Variants in ESRRG observed in about 807,000 individuals in gnomAD.
ESRRG encodes estrogen-related receptor gamma.
In ESRRG, 13 loss-of-function variants were observed where a neutral mutation model predicts 44.0. The observed-to-expected ratio is 0.30, with a 90% CI of 0.19 to 0.47. The LOEUF (loss-of-function observed/expected upper bound fraction) is 0.47. ESRRG is among the 20% of genes least tolerant of loss of function. ESRRG has a pLI of 1.00. For synonymous variants in ESRRG, 215 were observed against 214.6 expected, an observed-to-expected ratio of 1.00 and a Z score of -0.02; for missense variants, 395 against 580.6, an observed-to-expected ratio of 0.68 and a Z score of 3.29.
intron 1 of ESRRG, among the ~76,000 whole-genome samples, chr1:217,131,309 C>G (rs1362754625): frequency 6.6e-6 from 1 of 151,190 alleles, no homozygotes; most frequent in African/African-American, 2.4e-5. Flanking sequence ...TTATTAATGA[C>G]CAGGTTTATT....
At position 216,694,623 on chromosome 1, in the gene ESRRG, C is replaced by G. The variant is rs180942759; in HGVS notation, c.57-17132G>C. 1.8e-3 allele frequency among the ~76,000 whole-genome samples: 279 copies of G among 151,970 alleles called. 2 individuals are homozygous for G. Among genetic ancestry groups the G allele is most frequent in the African/African-American group, 6.6e-3 (272 of 41,442 alleles). On this transcript the variant is annotated intron_variant, in intron 1 of 6. Coordinates refer to ENST00000408911, the MANE Select transcript of ESRRG (RefSeq NM_001438.4). Reference sequence around the variant, plus strand: ...CCAGGCTGGAGTGCAGTGGCGTGATCAGAGCTTACTGAAGCCTCTTGACCT... The same window carrying G: ...CCAGGCTGGAGTGCAGTGGCGTGATGAGAGCTTACTGAAGCCTCTTGACCT...
intron 2 of ESRRG, among the ~76,000 whole-genome samples, chr1:216,775,542 A>T (rs2093572046): frequency 7.3e-6 from 1 of 136,520 alleles, no homozygotes; most frequent in African/African-American, 2.7e-5. Context: ...CCTAAATAAA[A>T]TGTCACATCT....
intron 2 of ESRRG, among the ~76,000 whole-genome samples, chr1:216,847,300 CA>C (rs1379459401): frequency 6.6e-6 from 1 of 152,084 alleles, no homozygotes; most frequent in Non-Finnish European, 1.5e-5. Context: ...TCTAACATGG[CA>C]TTAAGTTGCA....
chr1:216,718,707 GTGTAATCAAAGATT>G (rs2085465519), intron 1 of ESRRG, among the ~76,000 whole-genome samples: 1 of 152,030 alleles, frequency 6.6e-6, no homozygotes, highest in Non-Finnish European at 1.5e-5. Flanking sequence ...AACTGGGCCA[GTGTAATCAAAGATT>G]TTCTCCAGAG....
intron 1 of ESRRG, among the ~76,000 whole-genome samples, chr1:216,720,939 C>T (rs187269075): frequency 2.0e-4 from 31 of 152,232 alleles, no homozygotes; most frequent in East Asian, 5.8e-4. Context: ...AAATTAAGTC[C>T]GCTCTATAAT....
intron 5 of ESRRG, among the ~76,000 whole-genome samples, chr1:216,519,826 A>AT (rs1160794089): frequency 8.7e-4 from 132 of 151,218 alleles, no homozygotes; most frequent in African/African-American, 3.0e-3. Context: ...AAAAAAAAAA[A>AT]AAGAAGAAGA....
At chr1:216,783,998 C>A (rs1468106710) in intron 2 of ESRRG, among the ~76,000 whole-genome samples, 2 of 152,064 alleles carry the variant, frequency 1.3e-5, no homozygotes, top group Non-Finnish European at 2.9e-5. Context: ...ACTTGCTTTG[C>A]ACCATGCCTC....
chr1:216,851,264 G>A lies in ESRRG; in HGVS notation c.-14+88318C>T, dbSNP rs1022495331. Among the ~76,000 whole-genome samples the A allele has an allele frequency of 2.6e-5, 4 of 152,140 alleles. No individual in the cohort carries two copies. The South Asian group carries it at 8.3e-4, about 32-fold the overall frequency. ...CTCATTACTAAAAGCTGTGTGCTTT[G>A]AGTCAGCAGACCTGAAACCAACAAG... On this transcript the variant is annotated intron_variant, in intron 2 of 7. Transcript: ENST00000359162.
chr1:216,768,234 C>T (rs2093183091), intron 2 of ESRRG, among the ~76,000 whole-genome samples: 1 of 152,074 alleles, frequency 6.6e-6, no homozygotes, highest in Non-Finnish European at 1.5e-5. Flanking sequence ...AACTATGCTG[C>T]CCTGTTATAG....
intron 2 of ESRRG, among the ~76,000 whole-genome samples, chr1:216,939,051 A>G (rs1481581941): frequency 2.0e-5 from 3 of 152,322 alleles, no homozygotes; most frequent in South Asian, 2.1e-4. Flanking sequence ...TGGGTATTCA[A>G]TTGGAATCTA....
At chr1:216,725,374 G>A (rs1447987992), upstream of ESRRG, among the ~76,000 whole-genome samples, 1 of 152,068 alleles carries the variant, frequency 6.6e-6, no homozygotes, top group Non-Finnish European at 1.5e-5. Flanking sequence ...AAATTTGGTT[G>A]TGAGCAGTGA....
chr1:217,036,076 AT>A, intron 1 of ESRRG, among the ~76,000 whole-genome samples: 1 of 152,336 alleles, frequency 6.6e-6, no homozygotes, highest in Non-Finnish European at 1.5e-5. Flanking sequence ...AACTTCACTG[AT>A]TAGAAAAATG....
intron 1 of ESRRG, among the ~76,000 whole-genome samples, chr1:217,117,129 G>A (rs896262138): frequency 6.6e-6 from 1 of 152,094 alleles, no homozygotes; most frequent in Non-Finnish European, 1.5e-5. Flanking sequence ...TGTCATAATT[G>A]GGTTCAAATC....
chr1:216,672,056 AGGAAGGAG>A (rs1559138744), intron 2 of ESRRG, among the ~76,000 whole-genome samples: 1 of 152,108 alleles, frequency 6.6e-6, no homozygotes, highest in African/African-American at 2.4e-5. Context: ...GAAGGAAGGA[AGGAAGGAG>A]GGAAAGAAGG....
At chr1:216,772,743 T>A (rs1207968347) in intron 2 of ESRRG, among the ~76,000 whole-genome samples, 1 of 152,066 alleles carries the variant, frequency 6.6e-6, no homozygotes, top group Non-Finnish European at 1.5e-5. Flanking sequence ...CATTCTGGCT[T>A]TGGAACTAGA....
intron 1 of ESRRG, among the ~76,000 whole-genome samples, chr1:216,960,731 G>C (rs1216022600): frequency 1.3e-5 from 2 of 152,016 alleles, no homozygotes; most frequent in Non-Finnish European, 2.9e-5. Context: ...GACTATAGGT[G>C]CATGCCACCA....
intron 2 of ESRRG, among the ~76,000 whole-genome samples, chr1:216,791,669 T>G (rs1331514889): frequency 6.6e-6 from 1 of 152,188 alleles, no homozygotes; most frequent in Non-Finnish European, 1.5e-5. Context: ...GGAATTCACT[T>G]TATAAGTAAG....
rs186262730 is a variant in ESRRG at position 216,848,130 on chromosome 1, T to C, written c.-14+91452A>G. On this transcript the variant is annotated intron_variant, in intron 2 of 7. Transcript: ENST00000359162. ...AGATATTGGCAAATGTCCCGTGGGG[T>C]AATGGTGGGAGGTGAAATCATCCTG... Among the ~76,000 whole-genome samples the C allele has an allele frequency of 2.6e-5, 4 of 151,958 alleles. No individual in the cohort carries two copies. In the South Asian group the frequency reaches 6.2e-4, roughly 24 times the overall value.
intron 1 of ESRRG, among the ~76,000 whole-genome samples, chr1:216,983,808 G>A (rs898443974): frequency 4.7e-5 from 7 of 150,496 alleles, no homozygotes; most frequent in East Asian, 3.9e-4. Context: ...TATAAAAAAT[G>A]CATTCTTCTA....
Sources: allele counts gnomAD v4.1 joint callset (sites outside exome capture counted in the v4.1 genomes callset), GRCh38; gene constraint gnomAD v4.1.1; transcripts MANE v1.5; gene names NCBI Gene and HGNC (gene_info 2026-07-23, HGNC 2026-07-21).